Variants in SEMA3A observed in about 807,000 individuals in gnomAD.
SEMA3A encodes semaphorin 3A, also known as semaphorin-3A.
A neutral mutation model predicts 97.9 loss-of-function variants in SEMA3A; 29 were observed. The ratio of observed to expected loss-of-function variants is 0.30; its 90% CI spans 0.22 to 0.40. The LOEUF (loss-of-function observed/expected upper bound fraction) is 0.40, where lower values mean the gene tolerates loss of function less well. SEMA3A is among the 10% of genes least tolerant of loss of function. SEMA3A has a pLI of 1.00. For missense variants in SEMA3A, 763 were observed against 951.3 expected, an observed-to-expected ratio of 0.80 and a Z score of 2.60; for synonymous variants, 321 against 323.7, an observed-to-expected ratio of 0.99 and a Z score of 0.09.
intron 1 of SEMA3A, among the ~76,000 whole-genome samples, chr7:84,186,451 TAAC>T (rs1797889919): frequency 6.6e-6 from 1 of 152,160 alleles, no homozygotes; most frequent in Middle Eastern, 3.2e-3. Context: ...TAAGGGATAA[TAAC>T]AACGGAACAG....
At chr7:84,468,524 G>A (rs1213239522) in intron 1 of SEMA3A, among the ~76,000 whole-genome samples, 3 of 151,970 alleles carry the variant, frequency 2.0e-5, no homozygotes, top group African/African-American at 4.8e-5. Flanking sequence ...CACCAACAAC[G>A]TTAACTTGGA....
chr7:83,974,528 C>T lies in SEMA3A; in HGVS notation c.1717+2604G>A, dbSNP rs117066835. Among the ~76,000 whole-genome samples, 1,265 of 152,168 alleles carry T rather than the reference C, an allele frequency of 8.3e-3. 10 individuals are homozygous for T. The highest frequency in any genetic ancestry group is 0.014 in the Middle Eastern group (4 of 294). ...GAAAACATCTCATATTTTTATGCTTCCACATGAGCACATATATTTTATTCA... is the reference window on the plus strand; with the variant it reads ...GAAAACATCTCATATTTTTATGCTTTCACATGAGCACATATATTTTATTCA... On this transcript the variant is annotated intron_variant, in intron 15 of 16. Transcript: ENST00000265362.
chr7:84,350,514 G>T (rs1802411431), intron 2 of SEMA3A, among the ~76,000 whole-genome samples: 1 of 152,034 alleles, frequency 6.6e-6, no homozygotes, highest in African/African-American at 2.4e-5. Context: ...ATAGGCCAAT[G>T]ACCCAAATTA....
At position 83,960,579 on chromosome 7, in the gene SEMA3A, A is replaced by G. The variant is rs1788427431; in HGVS notation, c.*792T>C. The G allele has an allele frequency of 6.6e-6, 1 of 152,580 alleles. No homozygotes were observed. Among genetic ancestry groups the G allele is most frequent in the Non-Finnish European group, 1.5e-5 (1 of 68,008 alleles). The allele number at this position is 152,580 out of a possible 1,614,324, so 9.5% of individuals were successfully genotyped here. ...CAATGTCATCTATCCCTCTTATAGA[A>G]TTGAAAATAAAATGTCCAAAGAAAG... is the stretch of plus-strand genomic sequence containing the variant. On this transcript the variant is annotated 3_prime_UTR_variant, in exon 17 of 17. Transcript: ENST00000265362.
At chr7:84,479,998 T>C (rs953564883) in intron 1 of SEMA3A, among the ~76,000 whole-genome samples, 1 of 152,202 alleles carries the variant, frequency 6.6e-6, no homozygotes, top group African/African-American at 2.4e-5. Flanking sequence ...TAAGTTAATA[T>C]AAGGGTCTAA....
chr7:83,989,391 T>C (rs892365628), intron 12 of SEMA3A, among the ~76,000 whole-genome samples: 4 of 151,694 alleles, frequency 2.6e-5, no homozygotes, highest in Non-Finnish European at 2.9e-5. Context: ...TATGTATACA[T>C]GTGCCATGCT....
At chr7:84,037,514 G>A (rs936686375) in intron 6 of SEMA3A, among the ~76,000 whole-genome samples, 2 of 151,988 alleles carry the variant, frequency 1.3e-5, no homozygotes, top group Non-Finnish European at 2.9e-5. Flanking sequence ...TATTTGTAGA[G>A]ATTATTATTT....
At chr7:84,351,659 A>G (rs779420322) in intron 2 of SEMA3A, among the ~76,000 whole-genome samples, 1 of 152,114 alleles carries the variant, frequency 6.6e-6, no homozygotes, top group Non-Finnish European at 1.5e-5. Flanking sequence ...GAAAATCAAA[A>G]CTAAAATAGG....
chr7:84,345,660 T>C (rs946932920), intron 2 of SEMA3A, among the ~76,000 whole-genome samples: 12 of 152,314 alleles, frequency 7.9e-5, no homozygotes, highest in Admixed American at 4.6e-4. Flanking sequence ...AGCAACTCCT[T>C]ATCCATTGGA....
intron 1 of SEMA3A, among the ~76,000 whole-genome samples, chr7:84,408,634 G>C (rs1179024631): frequency 1.3e-5 from 2 of 151,954 alleles, no homozygotes; most frequent in African/African-American, 4.8e-5. Flanking sequence ...CAAAGACTTA[G>C]AACCAACCCA....
At chr7:83,982,832 GA>G (rs1388718335) in intron 13 of SEMA3A, among the ~76,000 whole-genome samples, 2 of 151,990 alleles carry the variant, frequency 1.3e-5, no homozygotes, top group African/African-American at 2.4e-5. Context: ...AAGTACCTAT[GA>G]GAATCTAAGA....
chr7:84,384,677 C>T (rs1803355158), intron 1 of SEMA3A, among the ~76,000 whole-genome samples: 2 of 152,056 alleles, frequency 1.3e-5, no homozygotes, highest in Admixed American at 1.3e-4. Flanking sequence ...AACTTGGCAA[C>T]AACTTAGAAC....
chr7:84,351,572 T>C (rs1802439166), intron 2 of SEMA3A, among the ~76,000 whole-genome samples: 1 of 152,080 alleles, frequency 6.6e-6, no homozygotes, highest in Non-Finnish European at 1.5e-5. Flanking sequence ...TCTGAATAGA[T>C]ATTTTTCAAA....
intron 6 of SEMA3A, among the ~76,000 whole-genome samples, chr7:84,029,925 A>G (rs1205462112): frequency 6.6e-6 from 1 of 152,120 alleles, no homozygotes; most frequent in African/African-American, 2.4e-5. Context: ...AGTTTCTATA[A>G]AATTGAAAAG....
At chr7:84,173,580 A>AT (rs1276519832) in intron 1 of SEMA3A, among the ~76,000 whole-genome samples, 10 of 151,922 alleles carry the variant, frequency 6.6e-5, no homozygotes, top group African/African-American at 2.4e-4. Context: ...AAAAAAAAAA[A>AT]AAATTTACAA....
At chr7:84,145,972 A>G (rs909787646) in intron 1 of SEMA3A, among the ~76,000 whole-genome samples, 1 of 151,780 alleles carries the variant, frequency 6.6e-6, no homozygotes, top group Non-Finnish European at 1.5e-5. Context: ...TCCACAATTT[A>G]CTCTTTTCTA....
At chr7:84,370,798 A>G (rs572296430) in intron 2 of SEMA3A, among the ~76,000 whole-genome samples, 10 of 151,642 alleles carry the variant, frequency 6.6e-5, no homozygotes, top group Non-Finnish European at 1.2e-4. Flanking sequence ...GGAGACATAC[A>G]ATGGTAATTA....
At chr7:84,381,029 G>A (rs571985970) in intron 1 of SEMA3A, among the ~76,000 whole-genome samples, 2 of 152,288 alleles carry the variant, frequency 1.3e-5, no homozygotes, top group Admixed American at 6.5e-5. Flanking sequence ...TACAGCTTCT[G>A]AGATTAGAAC....
At chr7:84,211,603 C>G (rs1798629914) in intron 3 of SEMA3A, among the ~76,000 whole-genome samples, 1 of 150,314 alleles carries the variant, frequency 6.7e-6, no homozygotes, top group African/African-American at 2.5e-5. Flanking sequence ...ACCTGGGCAA[C>G]AAGAATGAAA....
Sources: allele counts gnomAD v4.1 joint callset (sites outside exome capture counted in the v4.1 genomes callset), GRCh38; gene constraint gnomAD v4.1.1; transcripts MANE v1.5; gene names NCBI Gene and HGNC (gene_info 2026-07-23, HGNC 2026-07-21).